WRAP73: variants seen among roughly 807,000 people sequenced by gnomAD.
The protein encoded by WRAP73 is WD repeat-containing protein WRAP73.
In WRAP73, 55 loss-of-function variants were observed where a neutral mutation model predicts 59.6. That is an observed-to-expected ratio of 0.92 (90% confidence interval 0.74 to 1.15). The LOEUF (loss-of-function observed/expected upper bound fraction) is 1.15. Ranked by LOEUF, WRAP73 falls within the 50% of genes most tolerant of loss-of-function variation. The probability of loss-of-function intolerance (pLI) is 0.00; values close to 1 mark genes in which losing one functional copy is unlikely to be tolerated. For synonymous variants in WRAP73, 265 were observed against 258.2 expected (o/e 1.03, Z -0.25); for missense variants, 592 against 608.1 (o/e 0.97, Z 0.28).
rs573657586 is a variant in WRAP73, at chr1:3,636,081, T to C, written c.517-51A>G. On this transcript the variant is annotated intron_variant, in intron 5 of 11. Coordinates refer to ENST00000270708, the MANE Select transcript of WRAP73 (RefSeq NM_017818.4). ...TAAATTTGGAAAATATTTTCGTAAA[T>C]AAATAATTGCATTTATGACTGATGT... 9 of 1,385,292 alleles carry C rather than the reference T, an allele frequency of 6.5e-6. No individual in the cohort carries two copies. In the East Asian group the frequency reaches 2.1e-4, roughly 32 times the overall value. The allele number at this position is 1,385,292 out of a possible 1,614,324, so 85.8% of individuals were successfully genotyped here. A position where few individuals can be genotyped will look rare whatever the true frequency, so the allele number is the denominator to read the frequency against.
chr1:3,634,591 AC>A (rs1443983228), intron 8 of WRAP73: 2 of 231,822 alleles, frequency 8.6e-6, no homozygotes, highest in East Asian at 2.1e-4. Context: ...CTCCAGCCGC[AC>A]TCTGCAAGTG....
chr1:3,638,666 A>T, intron 4 of WRAP73, 84 bp downstream of exon 4: 1 of 1,483,214 alleles, frequency 6.7e-7, no homozygotes, highest in Non-Finnish European at 9.4e-7. Flanking sequence ...TGCTGAAGCT[A>T]CTTCTGCCTC....
At chr1:3,633,290 G>A in intron 9 of WRAP73, 108 bp downstream of exon 9, 1 of 1,173,964 alleles carries the variant, frequency 8.5e-7, no homozygotes, top group Non-Finnish European at 1.3e-6. Flanking sequence ...GCATGGAAGG[G>A]AAAAAAAGTT....
At chr1:3,631,681 C>A in intron 10 of WRAP73, 24 bp from the exon 11 acceptor site, 1 of 1,570,636 alleles carries the variant, frequency 6.4e-7, no homozygotes, top group South Asian at 1.2e-5. Flanking sequence ...GACAGGGCAC[C>A]GGTGTCATCC....
chr1:3,631,810 C>T (rs552835546), intron 10 of WRAP73, 153 bp from the exon 11 acceptor site: 2 of 1,428,120 alleles, frequency 1.4e-6, no homozygotes, highest in East Asian at 5.1e-5. Flanking sequence ...TCAGTTGGGC[C>T]CTGTAGGGCT....
intron 10 of WRAP73, chr1:3,631,941 C>A (rs1644539243): frequency 2.9e-6 from 4 of 1,391,170 alleles, no homozygotes; most frequent in Non-Finnish European, 3.7e-6. Flanking sequence ...AAAAGGCGGG[C>A]TGCAGTGTGC....
chr1:3,638,270 C>G (rs1644606766), intron 4 of WRAP73, among the ~76,000 whole-genome samples: 1 of 152,248 alleles, frequency 6.6e-6, no homozygotes, highest in African/African-American at 2.4e-5. Flanking sequence ...AGATGGCTCA[C>G]AGGCTTCCAC....
chr1:3,635,777 C>A, intron 6 of WRAP73, 167 bp downstream of exon 6: 1 of 624,102 alleles, frequency 1.6e-6, no homozygotes. Flanking sequence ...GCCGTGATCA[C>A]ACCACTGCAC....
chr1:3,631,125 G>A lies in WRAP73; in HGVS notation c.1241-8C>T, dbSNP rs373748584. 6.8e-6 allele frequency: 11 copies of A among 1,613,134 alleles called. No homozygotes were observed. Among genetic ancestry groups the A allele is most frequent in the African/African-American group, 1.3e-5 (1 of 75,078 alleles). ...AGAGCACTGCAAAGTCGCCTAGAGAGAGACAGGTGGCCAGAGGATTACAGC... is the reference window on the plus strand; with the variant it reads ...AGAGCACTGCAAAGTCGCCTAGAGAAAGACAGGTGGCCAGAGGATTACAGC... On this transcript the variant is annotated splice_polypyrimidine_tract_variant and splice_region_variant and intron_variant, in intron 11 of 11. Coordinates refer to ENST00000270708, the MANE Select transcript of WRAP73 (RefSeq NM_017818.4).
At chr1:3,632,705 C>A (rs940077971) in intron 9 of WRAP73, 1 of 342,546 alleles carries the variant, frequency 2.9e-6, no homozygotes, top group African/African-American at 2.1e-5. Context: ...ATCCCTTCCA[C>A]CTCAGCGTCA....
In WRAP73 at chr1:3,637,222, C is replaced by A. The variant is rs1252514448; in HGVS notation, c.413-124G>T. On this transcript the variant is annotated intron_variant, in intron 4 of 11. Coordinates refer to ENST00000270708, the MANE Select transcript of WRAP73 (RefSeq NM_017818.4). Reference sequence around the variant, plus strand: ...AGAGGTGAAAAGAAGGGAAATGGCACAATGCCGAGCACTGCTCCTCAGACA... The same window carrying A: ...AGAGGTGAAAAGAAGGGAAATGGCAAAATGCCGAGCACTGCTCCTCAGACA... The A allele has an allele frequency of 1.0e-5, 8 of 779,282 alleles. No homozygotes were observed. The Middle Eastern group carries it at 1.1e-3, about 109-fold the overall frequency. The allele number at this position is 779,282 out of a possible 1,614,324, so 48.3% of individuals were successfully genotyped here. A position where few individuals can be genotyped will look rare whatever the true frequency, so the allele number is the denominator to read the frequency against.
rs987442951 is a variant in WRAP73 at position 3,646,227 on chromosome 1, T to C, written c.339+439A>G. ...CAGTAGCAGCCCAAAGCACGGGCGG[T>C]GGGGCTCGCAATCTGGATACGCCAA... On this transcript the variant is annotated intron_variant, in intron 3 of 11. Transcript: ENST00000270708. The surrounding 1 kb of genome is among the most constrained non-coding windows in gnomAD (Gnocchi z 5.1). Among the ~76,000 whole-genome samples, 4 of 152,112 alleles carry C rather than the reference T, an allele frequency of 2.6e-5. No individual in the cohort carries two copies. Among genetic ancestry groups the C allele is most frequent in the African/African-American group, 9.7e-5 (4 of 41,410 alleles).
In WRAP73 at chr1:3,637,099, C is replaced by G; in HGVS notation, c.413-1G>C. On this transcript the variant is annotated splice_acceptor_variant, in intron 4 of 11. Coordinates refer to ENST00000270708, the MANE Select transcript of WRAP73 (RefSeq NM_017818.4). LOFTEE classifies it high-confidence loss of function. The stretch of plus-strand genomic sequence containing the variant: ...CGGCCGTCCCTGGTGAAGGTGATTC[C>G]TGTGGGAAGAGGCAAATGCACTGAA... 1.2e-6 allele frequency: 2 copies of G among 1,605,664 alleles called. No individual in the cohort carries two copies.
chr1:3,632,026 CG>C, intron 10 of WRAP73, 186 bp downstream of exon 10: 2 of 1,477,270 alleles, frequency 1.4e-6, no homozygotes, highest in Non-Finnish European at 1.8e-6. Context: ...CGCGGACCTG[CG>C]GCTGCTGCAG....
rs1299800762 is a variant in WRAP73, at chr1:3,635,266, C to G, written c.632G>C (p.Gly211Ala). The G allele has an allele frequency of 5.6e-6, 9 of 1,613,826 alleles. No homozygotes were observed. Among genetic ancestry groups the G allele is most frequent in the Non-Finnish European group, 7.6e-6 (9 of 1,180,044 alleles). ...EYKILLYSLD[G>A]RLLSTYSAYE... ...AGCGCTGTACGTGGACAACAACCGGCCATCCAATGAGTACAGCAGAATCTT... is the reference window on the plus strand; with the variant it reads ...AGCGCTGTACGTGGACAACAACCGGGCATCCAATGAGTACAGCAGAATCTT... The change falls in exon 7 of 12, where the codon GGC becomes GCC. Residue 211 changes from glycine to alanine, a missense_variant. By Grantham distance (60) the Gly-to-Ala change is moderately conservative (BLOSUM62 0). Transcript: ENST00000270708.
Position 3,646,831 on chromosome 1 carries a change from G to T in WRAP73, c.223-49C>A. On this transcript the variant is annotated intron_variant, in intron 2 of 11. Transcript: ENST00000270708. This position sits in a 1 kb window ranked among gnomAD's most constrained non-coding sequence, Gnocchi z 5.1. ...ACACAAGTGCAAACTCATCAGCACC[G>T]AGAGACAGCGAGGACAGCTCGCTTA... The T allele has an allele frequency of 6.6e-7, 1 of 1,515,770 alleles. No individual in the cohort carries two copies. Among genetic ancestry groups the T allele is most frequent in the Non-Finnish European group, 9.1e-7 (1 of 1,100,602 alleles). 93.9% of individuals were successfully genotyped at this position (1,515,770 alleles called of 1,614,324 possible).
chr1:3,631,135 G>T lies in WRAP73; in HGVS notation c.1241-18C>A. The T allele has an allele frequency of 6.2e-7, 1 of 1,612,954 alleles. No individual in the cohort carries two copies. Among genetic ancestry groups the T allele is most frequent in the Non-Finnish European group, 8.5e-7 (1 of 1,179,882 alleles). ...AAAGTCGCCTAGAGAGAGACAGGTGGCCAGAGGATTACAGCAGGGGAGGCC... is the reference window on the plus strand; with the variant it reads ...AAAGTCGCCTAGAGAGAGACAGGTGTCCAGAGGATTACAGCAGGGGAGGCC... On this transcript the variant is annotated intron_variant, in intron 11 of 11. Transcript: ENST00000270708.
At position 3,635,925 on chromosome 1, in the gene WRAP73, C is replaced by T; in HGVS notation, c.603+19G>A. 1 of 1,608,976 alleles carries T rather than the reference C, an allele frequency of 6.2e-7. No individual in the cohort carries two copies. Among genetic ancestry groups the T allele is most frequent in the South Asian group, 1.1e-5 (1 of 90,586 alleles). Reference sequence around the variant, plus strand: ...GAAAAGCTCTCGAAAGCAAACATGTCACCTGGTCATCTTCATACCTCCAAG... The same window carrying T: ...GAAAAGCTCTCGAAAGCAAACATGTTACCTGGTCATCTTCATACCTCCAAG... On this transcript the variant is annotated intron_variant, in intron 6 of 11. Coordinates refer to ENST00000270708, the MANE Select transcript of WRAP73 (RefSeq NM_017818.4).
chr1:3,648,822 C>T (rs1320900871), intron 1 of WRAP73, among the ~76,000 whole-genome samples: 1 of 152,118 alleles, frequency 6.6e-6, no homozygotes. Context: ...AGGAGGGGGG[C>T]ACATTGAAAA....
Sources: allele counts gnomAD v4.1 joint callset (sites outside exome capture counted in the v4.1 genomes callset), GRCh38; gene constraint gnomAD v4.1.1; non-coding constraint Gnocchi (gnomAD v3.1); transcripts MANE v1.5; gene names NCBI Gene and HGNC (gene_info 2026-07-23, HGNC 2026-07-21).